Variants in TIAM1 observed in about 807,000 individuals in gnomAD.
TIAM1 encodes the protein rho guanine nucleotide exchange factor TIAM1.
A neutral mutation model predicts 163.5 loss-of-function variants in TIAM1; 65 were observed. The observed-to-expected ratio is 0.40, with a 90% CI of 0.33 to 0.49. The LOEUF (loss-of-function observed/expected upper bound fraction) is 0.49. Among genes scored for constraint, TIAM1 ranks in the 20% least tolerant of loss-of-function variants. The pLI, the probability that TIAM1 is intolerant of heterozygous loss-of-function variation, is 0.77. For missense variants in TIAM1, 1,789 were observed against 2,044.7 expected (o/e 0.87, Z 2.41); for synonymous variants, 833 against 810.1 (o/e 1.03, Z -0.48).
At chr21:31,380,676 A>G (rs1421741603) in intron 2 of TIAM1, among the ~76,000 whole-genome samples, 2 of 152,236 alleles carry the variant, frequency 1.3e-5, no homozygotes, top group Non-Finnish European at 2.9e-5. Context: ...TAAAAAATCC[A>G]TCAGAGGATA....
At chr21:31,432,654 C>A (rs1234105505) in intron 2 of TIAM1, among the ~76,000 whole-genome samples, 4 of 152,138 alleles carry the variant, frequency 2.6e-5, no homozygotes, top group Non-Finnish European at 5.9e-5. Context: ...GAGGGGAAGG[C>A]ACAGTAAGAA....
chr21:31,130,510 G>A (rs999996770), intron 24 of TIAM1, among the ~76,000 whole-genome samples, 195 bp from the exon 25 acceptor site: 4 of 152,152 alleles, frequency 2.6e-5, no homozygotes, highest in Non-Finnish European at 4.4e-5. Flanking sequence ...GGGAGGGTGT[G>A]CAAAGAAGTT....
chr21:31,558,212 G>A (rs908152920), intron 1 of TIAM1, among the ~76,000 whole-genome samples: 6 of 152,168 alleles, frequency 3.9e-5, no homozygotes, highest in Non-Finnish European at 8.8e-5. Context: ...GAGCTGGTGA[G>A]AGGGCGAGGC....
rs200661619 is a variant in TIAM1 at position 31,464,613 on chromosome 21, TG to T, written c.-421-579del. 8.4e-3 allele frequency among the ~76,000 whole-genome samples: 1,210 copies of T among 143,592 alleles called. 9 individuals are homozygous for T. Among genetic ancestry groups the T allele is most frequent in the South Asian group, 0.03 (134 of 4,456 alleles). The allele number at this position is 143,592 out of a possible 152,430, so 94.2% of individuals were successfully genotyped here. A position where few individuals can be genotyped will look rare whatever the true frequency, so the allele number is the denominator to read the frequency against. On this transcript the variant is annotated intron_variant, in intron 1 of 28. Transcript: ENST00000286827. ...ATCCTAGCACTTTGGAAGGCCGAGG[TG>T]GGTGGATCACTCGAGGTCAGAAGTT...
At chr21:31,511,216 G>A (rs1241789462) in intron 1 of TIAM1, among the ~76,000 whole-genome samples, 1 of 152,184 alleles carries the variant, frequency 6.6e-6, no homozygotes, top group Non-Finnish European at 1.5e-5. Flanking sequence ...CACTTTGTTA[G>A]GGCAACCCTA....
chr21:31,528,953 T>TCTCA (rs10660431), intron 1 of TIAM1, among the ~76,000 whole-genome samples: 91,134 of 142,818 alleles, frequency 0.64, 29,202 homozygotes, highest in East Asian at 0.96. Context: ...TGAGACAGAG[T>TCTCA]CTCAGTCGCC....
upstream of TIAM1, among the ~76,000 whole-genome samples, chr21:31,345,071 C>T (rs868049217): frequency 9.2e-5 from 14 of 152,204 alleles, no homozygotes; most frequent in Middle Eastern, 3.4e-3. Flanking sequence ...TTTAAATGAC[C>T]TCAGGTTAAA....
intron 11 of TIAM1, among the ~76,000 whole-genome samples, chr21:31,205,199 G>A (rs1212037609): frequency 6.6e-6 from 1 of 152,210 alleles, no homozygotes; most frequent in Non-Finnish European, 1.5e-5. Flanking sequence ...GATCGAAGCT[G>A]CAAATGTTTC....
rs749347226 is a variant in TIAM1 at position 31,120,679 on chromosome 21, C to T, written c.4465G>A (p.Asp1489Asn). 2 of 1,613,976 alleles carry T rather than the reference C, an allele frequency of 1.2e-6. No homozygotes were observed. Among genetic ancestry groups the T allele is most frequent in the Non-Finnish European group, 1.7e-6 (2 of 1,180,032 alleles). ...TCTTGCTCCTCATACTGAGCAAGATCAAACTGCTCCTCTACCCATCGGTCA... is the reference window on the plus strand; with the variant it reads ...TCTTGCTCCTCATACTGAGCAAGATTAAACTGCTCCTCTACCCATCGGTCA... ...DTDRWVEEQF[D>N]LAQYEEQDDI... Residue 1489 changes from aspartate to asparagine, a missense_variant, in exon 28 of 28, where the codon GAT becomes AAT. Asp to Asn is a conservative substitution (Grantham distance 23). Transcript: ENST00000541036. This position sits in a 1 kb window ranked among gnomAD's most constrained non-coding sequence, Gnocchi z 4.2.
Position 31,169,770 on chromosome 21 carries a change from C to CAA in TIAM1, c.2888-4707_2888-4706dup, listed in dbSNP as rs949666301. Among the ~76,000 whole-genome samples the CAA allele has an allele frequency of 2.9e-5, 4 of 140,292 alleles. 1 individual carries two copies. In the Admixed American group the frequency reaches 2.9e-4, roughly 10 times the overall value. The allele number at this position is 140,292 out of a possible 152,430, so 92.0% of individuals were successfully genotyped here. A position where few individuals can be genotyped will look rare whatever the true frequency, so the allele number is the denominator to read the frequency against. ...ACTCCCCAAAAAAGGTACTTGGGGG[C>CAA]AAAAAAAAAAATACAAACTGTAACT... is the stretch of plus-strand genomic sequence containing the variant. On this transcript the variant is annotated intron_variant, in intron 15 of 27. Coordinates refer to ENST00000541036, the MANE Select transcript of TIAM1 (RefSeq NM_001353694.2).
rs2077052149 is a variant in TIAM1, at chr21:31,395,564, A to C, written c.-368-56142T>G. Reference sequence around the variant, plus strand: ...ACCCTGCATTTTCTGCCACAGGAGAATGTATTGTTCTCTCCAACTGAGAAA... The same window carrying C: ...ACCCTGCATTTTCTGCCACAGGAGACTGTATTGTTCTCTCCAACTGAGAAA... On this transcript the variant is annotated intron_variant, in intron 2 of 28. Transcript: ENST00000286827. This position sits in a 1 kb window ranked among gnomAD's most constrained non-coding sequence, Gnocchi z 7.5. 6.6e-6 allele frequency among the ~76,000 whole-genome samples: 1 copy of C among 152,210 alleles called. No homozygotes were observed. The highest frequency in any genetic ancestry group is 1.5e-5 in the Non-Finnish European group (1 of 68,042).
At chr21:31,180,586 T>C (rs908808902) in intron 15 of TIAM1, among the ~76,000 whole-genome samples, 18 of 152,170 alleles carry the variant, frequency 1.2e-4, no homozygotes, top group Non-Finnish European at 1.6e-4. Context: ...CCAAAGAAAG[T>C]TGAGTACACA....
At chr21:31,469,739 G>A (rs909512548) in intron 1 of TIAM1, among the ~76,000 whole-genome samples, 1 of 151,946 alleles carries the variant, frequency 6.6e-6, no homozygotes, top group African/African-American at 2.4e-5. Flanking sequence ...GGCTGAGGCA[G>A]AAGAATGGTG....
Position 31,118,437 on chromosome 21 carries a change from T to C in TIAM1, c.*1931A>G, listed in dbSNP as rs1307404264. The C allele has an allele frequency of 1.1e-5, 4 of 361,542 alleles. No homozygotes were observed. The highest frequency in any genetic ancestry group is 4.3e-5 in the African/African-American group (2 of 46,058). The allele number at this position is 361,542 out of a possible 1,614,324, so 22.4% of individuals were successfully genotyped here. ...CCCAGACACTTTTCGTTATTTTTATTGTTTGACAAGCATTTACAACGTTCC... is the reference window on the plus strand; with the variant it reads ...CCCAGACACTTTTCGTTATTTTTATCGTTTGACAAGCATTTACAACGTTCC... On this transcript the variant is annotated 3_prime_UTR_variant, in exon 28 of 28. Coordinates refer to ENST00000541036, the MANE Select transcript of TIAM1 (RefSeq NM_001353694.2).
At chr21:31,459,256 C>A (rs2045233295) in intron 2 of TIAM1, among the ~76,000 whole-genome samples, 1 of 152,174 alleles carries the variant, frequency 6.6e-6, no homozygotes, top group African/African-American at 2.4e-5. Context: ...GGACTACAGG[C>A]ACGTGCCACC....
intron 2 of TIAM1, among the ~76,000 whole-genome samples, chr21:31,295,196 T>G (rs563286710): frequency 1.3e-5 from 2 of 152,100 alleles, no homozygotes; most frequent in African/African-American, 4.8e-5. Context: ...AAGGGCCAGG[T>G]GCGGTGGCTT....
In TIAM1 at chr21:31,387,348, G is replaced by A. The variant is rs146045704; in HGVS notation, c.-368-47926C>T. ...ACCAATTCTCCTGACTCAGCCTCCC[G>A]AGTAGCTGGGATTATAGGCACCCAC... On this transcript the variant is annotated intron_variant, in intron 2 of 28. Coordinates refer to the TIAM1 transcript ENST00000286827. Among the ~76,000 whole-genome samples the A allele has an allele frequency of 1.6e-3, 239 of 151,324 alleles. 1 individual carries two copies. Among genetic ancestry groups the A allele is most frequent in the African/African-American group, 5.2e-3 (216 of 41,232 alleles).
intron 1 of TIAM1, among the ~76,000 whole-genome samples, chr21:31,477,953 T>G (rs1186402488): frequency 6.6e-6 from 1 of 152,180 alleles, no homozygotes. Context: ...GTTTACAGAA[T>G]ATCTCCAGGA....
chr21:31,287,959 CAGGT>C (rs2073877303), intron 2 of TIAM1, among the ~76,000 whole-genome samples: 1 of 151,952 alleles, frequency 6.6e-6, no homozygotes, highest in Non-Finnish European at 1.5e-5. Flanking sequence ...GTGAGAATGA[CAGGT>C]AGGATCACCA....
Sources: gnomAD v4.1 joint callset for allele counts (sites outside exome capture counted in the v4.1 genomes callset) on GRCh38, gnomAD v4.1.1 for gene constraint, Gnocchi (gnomAD v3.1) non-coding constraint, MANE v1.5 for transcripts, NCBI Gene and HGNC (gene_info 2026-07-23, HGNC 2026-07-21) for gene names.